PCDHA1: variants seen among roughly 807,000 people sequenced by gnomAD.
PCDHA1 encodes protocadherin alpha-1.
PCDHA1 carries 42 observed loss-of-function variants against 61.3 expected under a neutral mutation model. That is an observed-to-expected ratio of 0.69 (90% confidence interval 0.54 to 0.89). The LOEUF (loss-of-function observed/expected upper bound fraction) is 0.89. Among genes scored for constraint, PCDHA1 ranks in the 40% least tolerant of loss-of-function variants. The probability of loss-of-function intolerance (pLI) is 0.00; values close to 1 mark genes in which losing one functional copy is unlikely to be tolerated. For missense variants in PCDHA1, 1,256 were observed against 1,235.3 expected (o/e 1.02, Z -0.25); for synonymous variants, 610 against 553.8 (o/e 1.10, Z -1.43).
chr5:140,829,795 T>A, intron 1 of PCDHA1: 1 of 1,613,722 alleles, frequency 6.2e-7, no homozygotes, highest in Non-Finnish European at 8.5e-7. Context: ...TGCTGGCGCC[T>A]CGGGTGGGTG....
At chr5:140,858,633 TTTGA>T (rs1554151907) in intron 1 of PCDHA1, 1 of 1,010,458 alleles carries the variant, frequency 9.9e-7, no homozygotes, top group Non-Finnish European at 1.4e-6. Context: ...TGTGTCAGCC[TTTGA>T]TTGGTACTTA....
intron 1 of PCDHA1, chr5:140,795,261 C>A (rs1307136021): frequency 6.2e-7 from 1 of 1,614,168 alleles, no homozygotes; most frequent in South Asian, 1.1e-5. Flanking sequence ...GCGGGCGGAG[C>A]GCGGAATGTA....
At chr5:140,944,304 C>T (rs1383475197) in intron 1 of PCDHA1, among the ~76,000 whole-genome samples, 1 of 152,162 alleles carries the variant, frequency 6.6e-6, no homozygotes, top group Non-Finnish European at 1.5e-5. Context: ...CCTCCTACCT[C>T]AGCCTCCTGA....
At chr5:140,879,805 A>T (rs992856039) in intron 1 of PCDHA1, among the ~76,000 whole-genome samples, 2 of 152,128 alleles carry the variant, frequency 1.3e-5, no homozygotes, top group Non-Finnish European at 1.5e-5. Context: ...TCCAGTTTCT[A>T]TTGGCTGTTG....
rs548577443 is a variant in PCDHA1, at chr5:140,793,837, A to C, written c.2394+5153A>C. On this transcript the variant is annotated intron_variant, in intron 1 of 3. Transcript: ENST00000504120. ...ATGTAATGGAAAAGGAATATTCTAA[A>C]GTAATAGTACATTATCCAAATGAGA... 4.6e-5 allele frequency among the ~76,000 whole-genome samples: 7 copies of C among 152,384 alleles called. No individual in the cohort carries two copies. The South Asian group carries it at 1.2e-3, about 27-fold the overall frequency.
intron 1 of PCDHA1, among the ~76,000 whole-genome samples, chr5:140,886,239 T>C (rs2060904240): frequency 6.6e-6 from 1 of 152,062 alleles, no homozygotes; most frequent in African/African-American, 2.4e-5. Flanking sequence ...ACTTCAGAAA[T>C]AAATAAAAGT....
chr5:140,847,669 G>A (rs2150402722), intron 1 of PCDHA1: 11 of 149,670 alleles, frequency 7.3e-5, no homozygotes, highest in African/African-American at 2.7e-4. Flanking sequence ...TATAAAGCTT[G>A]GAAAGAATCA....
intron 1 of PCDHA1, among the ~76,000 whole-genome samples, chr5:140,965,088 G>A (rs1390840466): frequency 4.6e-5 from 7 of 152,196 alleles, no homozygotes; most frequent in Non-Finnish European, 8.8e-5. Context: ...CTTTGTTCCA[G>A]TCCATAGCTA....
chr5:140,800,969 C>A (rs1218404049), intron 1 of PCDHA1: 2 of 1,230,712 alleles, frequency 1.6e-6, no homozygotes, highest in Middle Eastern at 2.9e-4. Context: ...AAAGAAGATA[C>A]GTTTACATAT....
chr5:140,807,655 C>A (rs1554124179), intron 1 of PCDHA1: 1 of 1,614,184 alleles, frequency 6.2e-7, no homozygotes, highest in South Asian at 1.1e-5. Flanking sequence ...CACTAGAGGG[C>A]GCCTCGGATG....
chr5:140,884,355 T>C, intron 1 of PCDHA1: 1 of 1,613,922 alleles, frequency 6.2e-7, no homozygotes, highest in Admixed American at 1.7e-5. Context: ...CTGGTGGATG[T>C]CAATGTTTAC....
chr5:140,791,817 G>C (rs1170716467), intron 1 of PCDHA1, among the ~76,000 whole-genome samples: 1 of 151,988 alleles, frequency 6.6e-6, no homozygotes, highest in Admixed American at 6.6e-5. Context: ...TCCCCTTGTT[G>C]TTTTTTTCTT....
At chr5:140,873,291 T>G (rs1392246125) in intron 1 of PCDHA1, among the ~76,000 whole-genome samples, 1 of 152,198 alleles carries the variant, frequency 6.6e-6, no homozygotes, top group Admixed American at 6.5e-5. Context: ...TTATGAAACT[T>G]TATAAATATA....
Position 140,870,063 on chromosome 5 carries a change from G to A in PCDHA1, c.2394+81379G>A. ...ACAAGTTTTATAAAATTGAAGTACA[G>A]GCTACAGATAAGGGGACTCCCCCAA... On this transcript the variant is annotated intron_variant, in intron 1 of 3. Transcript: ENST00000504120. 1.9e-6 allele frequency: 3 copies of A among 1,613,854 alleles called. No homozygotes were observed. The East Asian group carries it at 6.7e-5, about 36-fold the overall frequency.
intron 1 of PCDHA1, chr5:140,967,032 A>G (rs2096085772): frequency 6.2e-7 from 1 of 1,610,180 alleles, no homozygotes; most frequent in African/African-American, 1.3e-5. Context: ...AGTCCGCGCT[A>G]CCTGGAGCTG....
chr5:140,857,394 A>G, intron 1 of PCDHA1: 1 of 1,598,398 alleles, frequency 6.3e-7, no homozygotes, highest in Non-Finnish European at 8.6e-7. Flanking sequence ...GACGTGAACG[A>G]CAACGCGCCT....
intron 3 of PCDHA1, among the ~76,000 whole-genome samples, chr5:140,997,912 A>G (rs2097790316): frequency 6.6e-6 from 1 of 152,224 alleles, no homozygotes; most frequent in Admixed American, 6.5e-5. Flanking sequence ...GTAGAATTAC[A>G]GAATCATAGG....
At chr5:140,863,357 G>GCCAAGCACCGCAGC in intron 1 of PCDHA1, 1 of 1,259,532 alleles carries the variant, frequency 7.9e-7, no homozygotes, top group Non-Finnish European at 1.1e-6. Flanking sequence ...ACGACGCTGC[G>GCCAAGCACCGCAGC]GTGCTTGGCG....
intron 1 of PCDHA1, among the ~76,000 whole-genome samples, chr5:140,889,484 A>G (rs2062245315): frequency 6.6e-6 from 1 of 152,158 alleles, no homozygotes; most frequent in Admixed American, 6.5e-5. Context: ...TACTTTCTAC[A>G]GAATCTATAG....
Sources: gnomAD v4.1 joint callset for allele counts (sites outside exome capture counted in the v4.1 genomes callset) on GRCh38, gnomAD v4.1.1 for gene constraint, MANE v1.5 for transcripts, NCBI Gene and HGNC (gene_info 2026-07-23, HGNC 2026-07-21) for gene names.